Variants in HECW1 observed in about 807,000 individuals in gnomAD.
The protein encoded by HECW1 is HECT, C2 and WW domain containing E3 ubiquitin protein ligase 1.
In HECW1, 61 loss-of-function variants were observed where a neutral mutation model predicts 182.3. The observed-to-expected ratio is 0.33, with a 90% CI of 0.27 to 0.41. The LOEUF (loss-of-function observed/expected upper bound fraction) is 0.41, where lower values mean the gene tolerates loss of function less well. Among genes scored for constraint, HECW1 ranks in the 10% least tolerant of loss-of-function variants. The pLI, the probability that HECW1 is intolerant of heterozygous loss-of-function variation, is 1.00. For synonymous variants in HECW1, 859 were observed against 832.6 expected (o/e 1.03, Z -0.55); for missense variants, 1,739 against 2,108.9 (o/e 0.82, Z 3.44).
chr7:43,317,368 A>G (rs1008670720), intron 4 of HECW1, among the ~76,000 whole-genome samples: 1 of 152,230 alleles, frequency 6.6e-6, no homozygotes, highest in Non-Finnish European at 1.5e-5. Flanking sequence ...CTGAGTTTTC[A>G]TATTCAGCAG....
chr7:43,268,304 T>C (rs1277024256), intron 3 of HECW1, among the ~76,000 whole-genome samples: 1 of 152,222 alleles, frequency 6.6e-6, no homozygotes, highest in Non-Finnish European at 1.5e-5. Context: ...GTGGCAGGGA[T>C]CCTTACACAT....
At chr7:43,300,915 T>C (rs1806682514) in intron 3 of HECW1, among the ~76,000 whole-genome samples, 1 of 152,148 alleles carries the variant, frequency 6.6e-6, no homozygotes, top group African/African-American at 2.4e-5. Context: ...TGCTACTTTG[T>C]CAGTAACTTC....
At chr7:43,491,488 G>A (rs568312985) in intron 17 of HECW1, among the ~76,000 whole-genome samples, 15 of 152,212 alleles carry the variant, frequency 9.9e-5, no homozygotes, top group East Asian at 9.6e-4. Flanking sequence ...AGTTATAGGC[G>A]TACCTTACCA....
At position 43,384,967 on chromosome 7, in the gene HECW1, A is replaced by C. The variant is rs147302810; in HGVS notation, c.556-11847A>C. Among the ~76,000 whole-genome samples, 95 of 152,244 alleles carry C rather than the reference A, an allele frequency of 6.2e-4. No homozygotes were observed. The East Asian group carries it at 0.017, about 28-fold the overall frequency. On this transcript the variant is annotated intron_variant, in intron 6 of 29. Transcript: ENST00000395891. ...TCTCCCTCCAACCTCACATGCTTAG[A>C]TGAAAAGAGCTAACTCTTGTCACTC...
At chr7:43,378,669 G>T (rs1368040285) in intron 6 of HECW1, among the ~76,000 whole-genome samples, 3 of 152,124 alleles carry the variant, frequency 2.0e-5, no homozygotes, top group Non-Finnish European at 4.4e-5. Context: ...AGCTGAGTGT[G>T]GTGGTGTGCA....
intron 6 of HECW1, among the ~76,000 whole-genome samples, chr7:43,365,412 G>A (rs1384669658): frequency 6.6e-6 from 1 of 151,188 alleles, no homozygotes; most frequent in Non-Finnish European, 1.5e-5. Flanking sequence ...CAAGCAATCG[G>A]GAAAGGCCAC....
intron 2 of HECW1, among the ~76,000 whole-genome samples, chr7:43,193,999 T>C (rs2152684984): frequency 6.6e-6 from 1 of 152,338 alleles, no homozygotes; most frequent in East Asian, 1.9e-4. Flanking sequence ...ACTGGCTATG[T>C]GTTATGTGAT....
rs369768080 is a variant in HECW1, at chr7:43,438,196, G to A, written c.944+51G>A. 2.3e-5 allele frequency: 35 copies of A among 1,543,376 alleles called. No homozygotes were observed. In the East Asian group the frequency reaches 2.5e-4, roughly 11 times the overall value. On this transcript the variant is annotated intron_variant, in intron 9 of 29. Transcript: ENST00000395891. ...ATCACTAGGTTCCCACCAACAGGTC[G>A]TGCCCAAAGGTGGCCTGTAGGCTGC... is the stretch of plus-strand genomic sequence containing the variant.
chr7:43,290,911 G>A (rs1805317510), intron 3 of HECW1, among the ~76,000 whole-genome samples: 1 of 152,180 alleles, frequency 6.6e-6, no homozygotes, highest in Non-Finnish European at 1.5e-5. Flanking sequence ...GCAGGACGAG[G>A]CAGGGACCCC....
intron 24 of HECW1, among the ~76,000 whole-genome samples, chr7:43,514,499 G>A (rs1019419668): frequency 6.6e-6 from 1 of 151,972 alleles, no homozygotes; most frequent in African/African-American, 2.4e-5. Context: ...ATGTTGGACA[G>A]GCTGGTCTCA....
At chr7:43,143,365 C>G (rs1163094465) in intron 2 of HECW1, among the ~76,000 whole-genome samples, 1 of 152,086 alleles carries the variant, frequency 6.6e-6, no homozygotes, top group Non-Finnish European at 1.5e-5. Context: ...CTAACTGCAG[C>G]CTCAACTTCC....
Position 43,166,778 on chromosome 7 carries a change from C to T in HECW1, c.-32+52387C>T, listed in dbSNP as rs541691544. Among the ~76,000 whole-genome samples the T allele has an allele frequency of 5.3e-5, 8 of 152,246 alleles. No homozygotes were observed. In the South Asian group the frequency reaches 1.2e-3, roughly 24 times the overall value. On this transcript the variant is annotated intron_variant, in intron 2 of 29. Transcript: ENST00000395891. ...TTCTGTTGGTCAGGTGGAAAGGGCC[C>T]ATTTGAATTATTGATCTTAATTAAT...
At position 43,501,329 on chromosome 7, in the gene HECW1, G is replaced by A. The variant is rs374106666; in HGVS notation, c.3631+7G>A. On this transcript the variant is annotated splice_region_variant and intron_variant, in intron 21 of 29. Transcript: ENST00000395891. ...TCACCTCAGAACTCCCCAGGTAACA[G>A]GAATCTGGCCTAATAGCTCCTGTTA... is the stretch of plus-strand genomic sequence containing the variant. The A allele has an allele frequency of 8.0e-5, 122 of 1,533,980 alleles. No individual in the cohort carries two copies. Among genetic ancestry groups the A allele is most frequent in the Non-Finnish European group, 1.0e-4 (116 of 1,109,586 alleles).
intron 2 of HECW1, among the ~76,000 whole-genome samples, chr7:43,195,348 A>G (rs1794355439): frequency 6.6e-6 from 1 of 152,160 alleles, no homozygotes; most frequent in Admixed American, 6.5e-5. Context: ...AGGCTTCCTA[A>G]AGGAGCTCTC....
chr7:43,197,269 G>A (rs1375124722), intron 2 of HECW1, among the ~76,000 whole-genome samples: 1 of 152,040 alleles, frequency 6.6e-6, no homozygotes, highest in Non-Finnish European at 1.5e-5. Context: ...TCTTACCATG[G>A]TAGGAACTCA....
chr7:43,314,950 C>T (rs1287554630), intron 4 of HECW1, among the ~76,000 whole-genome samples: 2 of 152,122 alleles, frequency 1.3e-5, no homozygotes, highest in African/African-American at 4.8e-5. Flanking sequence ...ACACAGCTGC[C>T]TCCCCTGGCT....
At chr7:43,305,197 C>T (rs1195847242) in intron 3 of HECW1, among the ~76,000 whole-genome samples, 3 of 152,162 alleles carry the variant, frequency 2.0e-5, no homozygotes, top group Non-Finnish European at 4.4e-5. Context: ...AGGAATCTGC[C>T]ACTATAATCG....
intron 6 of HECW1, among the ~76,000 whole-genome samples, chr7:43,362,520 G>A (rs746107806): frequency 6.6e-6 from 1 of 152,182 alleles, no homozygotes; most frequent in Non-Finnish European, 1.5e-5. Flanking sequence ...GAGAATCTAG[G>A]GAAGTGTCCT....
intron 8 of HECW1, among the ~76,000 whole-genome samples, chr7:43,437,716 C>T (rs1338135287): frequency 6.6e-6 from 1 of 152,110 alleles, no homozygotes; most frequent in Non-Finnish European, 1.5e-5. Flanking sequence ...ATGATAATAC[C>T]TTCAATCAAG....
Sources: gnomAD v4.1 joint callset for allele counts (sites outside exome capture counted in the v4.1 genomes callset) on GRCh38, gnomAD v4.1.1 for gene constraint, MANE v1.5 for transcripts, NCBI Gene and HGNC (gene_info 2026-07-23, HGNC 2026-07-21) for gene names.